Variants in MYOM3 observed in about 807,000 individuals in gnomAD.
MYOM3 encodes the protein myomesin 3.
A neutral mutation model predicts 191.7 loss-of-function variants in MYOM3; 155 were observed. The observed-to-expected ratio is 0.81, with a 90% confidence interval of 0.71 to 0.92. MYOM3 has a LOEUF of 0.92. Ranked by LOEUF, MYOM3 falls within the 40% of genes least tolerant of loss-of-function variation. The probability of loss-of-function intolerance (pLI) is 0.00; values close to 1 mark genes in which losing one functional copy is unlikely to be tolerated. For missense variants in MYOM3, 1,889 were observed against 1,890.6 expected (o/e 1.00, Z 0.02); for synonymous variants, 757 against 762.9 (o/e 0.99, Z 0.13).
Position 24,065,977 on chromosome 1 carries a change from G to T in MYOM3, c.3448C>A (p.Arg1150Ser), listed in dbSNP as rs746030427. ...GCCCTCTGGAAGAACCACTGAAAGC[G>T]AGTCTCCTTCTTGGTGTTGGTCACC... ...CKVTNTKKET[R>S]FQWFFQRAEM... The change falls in exon 29 of 37, where the codon CGC becomes AGC. Residue 1150 changes from arginine to serine, a missense_variant. Arg to Ser is a moderately radical substitution (Grantham distance 110). Transcript: ENST00000374434. The T allele has an allele frequency of 6.2e-6, 10 of 1,613,820 alleles. No individual in the cohort carries two copies. The South Asian group carries it at 6.6e-5, about 11-fold the overall frequency.
chr1:24,102,910 C>T (rs1643950323), intron 5 of MYOM3, among the ~76,000 whole-genome samples: 1 of 152,202 alleles, frequency 6.6e-6, no homozygotes. Context: ...GAATATTCCT[C>T]CAGCCCTGGG....
At chr1:24,076,327 A>C (rs1570864716) in intron 20 of MYOM3, 54 bp from the exon 21 acceptor site, 1 of 1,368,182 alleles carries the variant, frequency 7.3e-7, no homozygotes, top group Non-Finnish European at 1.0e-6. Flanking sequence ...TCTTCCTGAA[A>C]CCTGGGCCCC....
chr1:24,088,327 C>T (rs929551796), intron 14 of MYOM3, among the ~76,000 whole-genome samples: 1 of 152,216 alleles, frequency 6.6e-6, no homozygotes, highest in Non-Finnish European at 1.5e-5. Context: ...CACTGCTGAG[C>T]TCCTACTGTG....
intron 5 of MYOM3, among the ~76,000 whole-genome samples, chr1:24,105,545 G>T (rs535614385): frequency 4.8e-4 from 73 of 152,328 alleles, no homozygotes; most frequent in Non-Finnish European, 8.2e-4. Context: ...ATGAGGGCTG[G>T]CTCCCCAGGG....
At chr1:24,097,857 T>C (rs922400757) in intron 7 of MYOM3, 66 bp downstream of exon 7, 1 of 1,059,078 alleles carries the variant, frequency 9.4e-7, no homozygotes, top group Non-Finnish European at 1.5e-6. Context: ...CGCAGACCCA[T>C]GTCCTTGTCT....
rs755693310 is a variant in MYOM3 at position 24,057,324 on chromosome 1, C to G, written c.*40G>C. The G allele has an allele frequency of 6.3e-7, 1 of 1,589,392 alleles. No homozygotes were observed. Among genetic ancestry groups the G allele is most frequent in the Non-Finnish European group, 8.6e-7 (1 of 1,165,636 alleles). On this transcript the variant is annotated 3_prime_UTR_variant, in exon 37 of 37. Coordinates refer to ENST00000374434, the MANE Select transcript of MYOM3 (RefSeq NM_152372.4). ...CCTGGTACAGGTTGTCCCTACTGGTCCATGTAGACTAGACTCAGACTGTGC... is the reference window on the plus strand; with the variant it reads ...CCTGGTACAGGTTGTCCCTACTGGTGCATGTAGACTAGACTCAGACTGTGC...
intron 27 of MYOM3, 141 bp downstream of exon 27, chr1:24,067,829 C>T (rs1037648071): frequency 8.6e-6 from 7 of 815,756 alleles, no homozygotes; most frequent in African/African-American, 6.8e-5. Context: ...TTTGATCTGG[C>T]ACTGGGACAG....
chr1:24,103,349 A>C (rs1570887491), intron 5 of MYOM3, among the ~76,000 whole-genome samples: 1 of 152,294 alleles, frequency 6.6e-6, no homozygotes, highest in South Asian at 2.1e-4. Flanking sequence ...TTTTGGAATA[A>C]ATGCCAGCTG....
intron 32 of MYOM3, 109 bp from the exon 33 acceptor site, chr1:24,062,218 G>T (rs1643379136): frequency 7.4e-6 from 9 of 1,208,244 alleles, no homozygotes; most frequent in Non-Finnish European, 1.1e-5. Flanking sequence ...CGGGCTATGG[G>T]TGGTGACTAT....
chr1:24,077,399 C>G (rs1643615457), intron 20 of MYOM3, among the ~76,000 whole-genome samples: 1 of 152,174 alleles, frequency 6.6e-6, no homozygotes, highest in Middle Eastern at 3.2e-3. Flanking sequence ...CCATCTGTCC[C>G]CTTCACTCCA....
At chr1:24,100,144 T>C (rs1038053591) in intron 5 of MYOM3, among the ~76,000 whole-genome samples, 13 of 152,082 alleles carry the variant, frequency 8.5e-5, no homozygotes, top group African/African-American at 3.1e-4. Context: ...GCTAAGATTA[T>C]AGGCGTGAAC....
At chr1:24,058,231 C>T (rs915851940) in intron 36 of MYOM3, among the ~76,000 whole-genome samples, 7 of 152,140 alleles carry the variant, frequency 4.6e-5, no homozygotes, top group Admixed American at 6.5e-5. Flanking sequence ...TATGTCACTA[C>T]GATTTTACAA....
rs1643395245 is a variant in MYOM3, at chr1:24,063,324, G to T, written c.3662-90C>A. ...GGCTTGTCTGCCTCTGCCCTGGGGG[G>T]CAGGTGCTGTGGGGGAAATGCAGTG... On this transcript the variant is annotated intron_variant, in intron 31 of 36. Transcript: ENST00000374434. The surrounding 1 kb of genome is among the most constrained non-coding windows in gnomAD (Gnocchi z 4.5). 2 of 1,382,638 alleles carry T rather than the reference G, an allele frequency of 1.4e-6. No individual in the cohort carries two copies. Among genetic ancestry groups the T allele is most frequent in the African/African-American group, 1.4e-5 (1 of 70,362 alleles). The allele number at this position is 1,382,638 out of a possible 1,614,324, so 85.6% of individuals were successfully genotyped here. A position where few individuals can be genotyped will look rare whatever the true frequency, so the allele number is the denominator to read the frequency against.
chr1:24,070,977 A>C, intron 25 of MYOM3, 140 bp downstream of exon 25: 1 of 1,106,620 alleles, frequency 9.0e-7, no homozygotes, highest in South Asian at 1.5e-5. Flanking sequence ...TCCCGTCCTC[A>C]TCACTGCAAC....
chr1:24,105,807 C>T, intron 5 of MYOM3, 113 bp downstream of exon 5: 1 of 1,125,532 alleles, frequency 8.9e-7, no homozygotes, highest in Non-Finnish European at 1.3e-6. Flanking sequence ...GGTGGGTGGA[C>T]AGAGCTCAGG....
intron 3 of MYOM3, 136 bp downstream of exon 3, chr1:24,107,857 G>A (rs1376823687): frequency 2.7e-5 from 20 of 741,166 alleles, no homozygotes; most frequent in Non-Finnish European, 4.5e-5. Flanking sequence ...TTAAACTCCT[G>A]TCTAGACCCT....
intron 24 of MYOM3, 25 bp from the exon 25 acceptor site, chr1:24,071,278 G>A (rs764748575): frequency 6.3e-7 from 1 of 1,597,780 alleles, no homozygotes; most frequent in African/African-American, 1.3e-5. Flanking sequence ...ACGGGAAGGG[G>A]GTGGGTTGGA....
At position 24,063,414 on chromosome 1, in the gene MYOM3, C is replaced by A. The variant is rs1055977249; in HGVS notation, c.3661+78G>T. On this transcript the variant is annotated intron_variant, in intron 31 of 36. Transcript: ENST00000374434. The surrounding 1 kb of genome is among the most constrained non-coding windows in gnomAD (Gnocchi z 4.5). Reference sequence around the variant, plus strand: ...AGAAACTAAACCCACCCCCAATAGCCAAGGCCAGTGTTAGGCTGCTTGGAG... The same window carrying A: ...AGAAACTAAACCCACCCCCAATAGCAAAGGCCAGTGTTAGGCTGCTTGGAG... 19 of 1,578,564 alleles carry A rather than the reference C, an allele frequency of 1.2e-5. No homozygotes were observed. The Admixed American group carries it at 3.2e-4, about 26-fold the overall frequency.
At chr1:24,093,897 C>A (rs985484186) in intron 9 of MYOM3, among the ~76,000 whole-genome samples, 3 of 152,132 alleles carry the variant, frequency 2.0e-5, no homozygotes, top group African/African-American at 4.8e-5. Flanking sequence ...AGGCTATAGG[C>A]CTAGTCATGG....
Sources: allele counts gnomAD v4.1 joint callset (sites outside exome capture counted in the v4.1 genomes callset), GRCh38; gene constraint gnomAD v4.1.1; non-coding constraint Gnocchi (gnomAD v3.1); transcripts MANE v1.5; gene names NCBI Gene and HGNC (gene_info 2026-07-23, HGNC 2026-07-21).